Variants in FBXL7 observed in about 807,000 individuals in gnomAD.
The protein encoded by FBXL7 is F-box and leucine rich repeat protein 7.
FBXL7 carries 12 observed loss-of-function variants against 38.3 expected under a neutral mutation model. That is an observed-to-expected ratio of 0.31 (90% CI 0.20 to 0.51). FBXL7 has a LOEUF of 0.51. FBXL7 is among the 20% of genes least tolerant of loss of function. FBXL7 has a pLI of 0.98. For synonymous variants in FBXL7, 297 were observed against 300.9 expected, an observed-to-expected ratio of 0.99 and a Z score of 0.13; for missense variants, 567 against 676.4, an observed-to-expected ratio of 0.84 and a Z score of 1.79.
At chr5:15,717,384 A>G (rs879376226) in intron 2 of FBXL7, among the ~76,000 whole-genome samples, 5 of 152,186 alleles carry the variant, frequency 3.3e-5, no homozygotes, top group Non-Finnish European at 5.9e-5. Flanking sequence ...CTGAGACTCC[A>G]CCCAAAACAA....
chr5:15,655,501 A>C (rs996887682), intron 2 of FBXL7, among the ~76,000 whole-genome samples: 22 of 152,170 alleles, frequency 1.4e-4, no homozygotes, highest in African/African-American at 5.1e-4. Flanking sequence ...CTCAAAAAAA[A>C]AAAAAGAAAA....
At chr5:15,850,528 T>A (rs899178821) in intron 2 of FBXL7, among the ~76,000 whole-genome samples, 1 of 152,216 alleles carries the variant, frequency 6.6e-6, no homozygotes, top group African/African-American at 2.4e-5. Context: ...GTGACAAAGG[T>A]AGAAGGGCCT....
intron 2 of FBXL7, among the ~76,000 whole-genome samples, chr5:15,855,010 A>C (rs1739214446): frequency 6.6e-6 from 1 of 152,174 alleles, no homozygotes; most frequent in Non-Finnish European, 1.5e-5. Context: ...GTATTTCCTC[A>C]TATTAGAAAC....
intron 1 of FBXL7, among the ~76,000 whole-genome samples, chr5:15,521,890 C>G (rs904872428): frequency 5.3e-5 from 8 of 152,228 alleles, no homozygotes; most frequent in Non-Finnish European, 1.2e-4. Context: ...AACAACTATA[C>G]ATTTCTTCGT....
At chr5:15,762,804 T>C (rs753674395) in intron 2 of FBXL7, among the ~76,000 whole-genome samples, 1 of 151,498 alleles carries the variant, frequency 6.6e-6, no homozygotes, top group Admixed American at 6.6e-5. Context: ...TTGAAACATA[T>C]CTGAAATGCA....
chr5:15,878,013 C>T (rs1218731140), intron 2 of FBXL7, among the ~76,000 whole-genome samples: 1 of 152,112 alleles, frequency 6.6e-6, no homozygotes, highest in East Asian at 1.9e-4. Context: ...GGGTTTCAGC[C>T]CTCTGGGAGT....
intron 2 of FBXL7, among the ~76,000 whole-genome samples, chr5:15,680,137 A>G (rs1742796541): frequency 6.6e-6 from 1 of 152,146 alleles, no homozygotes; most frequent in Admixed American, 6.6e-5. Context: ...AAACCACTGA[A>G]GGCAAGGATG....
intron 1 of FBXL7, among the ~76,000 whole-genome samples, chr5:15,566,809 T>A (rs1738587931): frequency 6.6e-6 from 1 of 152,194 alleles, no homozygotes; most frequent in African/African-American, 2.4e-5. Flanking sequence ...AATGCCTTTC[T>A]GGACCTATTT....
intron 2 of FBXL7, among the ~76,000 whole-genome samples, chr5:15,620,351 G>A (rs1740590514): frequency 6.7e-6 from 1 of 148,960 alleles, no homozygotes; most frequent in South Asian, 2.1e-4. Flanking sequence ...TCCTGCCTCA[G>A]CCTCCCGAGT....
chr5:15,914,281 G>T (rs1229749752), intron 2 of FBXL7, among the ~76,000 whole-genome samples: 1 of 151,652 alleles, frequency 6.6e-6, no homozygotes, highest in African/African-American at 2.4e-5. Context: ...AGCTACTCAT[G>T]AGGCTGAGGC....
rs1579389766 is a variant in FBXL7, at chr5:15,701,575, A to G, written c.127+85503A>G. Reference sequence around the variant, plus strand: ...ACTGGATACATATAATGGGGATTAAATACCTTAAGAGAATCTCTCAGTTGA... The same window carrying G: ...ACTGGATACATATAATGGGGATTAAGTACCTTAAGAGAATCTCTCAGTTGA... On this transcript the variant is annotated intron_variant, in intron 2 of 3. Coordinates refer to ENST00000504595, the MANE Select transcript of FBXL7 (RefSeq NM_012304.5). Among the ~76,000 whole-genome samples, 5 of 152,344 alleles carry G rather than the reference A, an allele frequency of 3.3e-5. No homozygotes were observed. In the South Asian group the frequency reaches 1.0e-3, roughly 32 times the overall value.
At chr5:15,798,339 C>T (rs1005401139) in intron 2 of FBXL7, among the ~76,000 whole-genome samples, 2 of 152,176 alleles carry the variant, frequency 1.3e-5, no homozygotes, top group African/African-American at 2.4e-5. Context: ...GCCACTTATA[C>T]ACTCTACTCT....
At chr5:15,571,735 G>C (rs1205502782) in intron 1 of FBXL7, among the ~76,000 whole-genome samples, 1 of 152,032 alleles carries the variant, frequency 6.6e-6, no homozygotes, top group Non-Finnish European at 1.5e-5. Context: ...GAGGCTTTTG[G>C]GTGAGGTATT....
At chr5:15,696,118 G>A (rs1743323155) in intron 2 of FBXL7, among the ~76,000 whole-genome samples, 1 of 152,086 alleles carries the variant, frequency 6.6e-6, no homozygotes, top group Non-Finnish European at 1.5e-5. Flanking sequence ...GAATACATCT[G>A]GCCGAAAGCT....
intron 2 of FBXL7, among the ~76,000 whole-genome samples, chr5:15,625,676 GACAA>G (rs1483561076): frequency 1.3e-5 from 2 of 151,920 alleles, no homozygotes; most frequent in Non-Finnish European, 2.9e-5. Context: ...CAGCCAACCA[GACAA>G]ACAAACAAAA....
intron 2 of FBXL7, among the ~76,000 whole-genome samples, chr5:15,769,500 A>T (rs1440698437): frequency 6.6e-6 from 1 of 152,240 alleles, no homozygotes; most frequent in Non-Finnish European, 1.5e-5. Context: ...CATGCAAATG[A>T]CTGTTAAAGC....
In FBXL7 at chr5:15,574,434, T is replaced by C. The variant is rs563785862; in HGVS notation, c.38-41549T>C. Among the ~76,000 whole-genome samples, 20 of 152,362 alleles carry C rather than the reference T, an allele frequency of 1.3e-4. No individual in the cohort carries two copies. In the South Asian group the frequency reaches 4.1e-3, roughly 32 times the overall value. On this transcript the variant is annotated intron_variant, in intron 1 of 3. Coordinates refer to ENST00000504595, the MANE Select transcript of FBXL7 (RefSeq NM_012304.5). ...AATGCAAATCCTAGCAGACTTTGGA[T>C]ATGTACTTCATTATTTTATGTAGAA...
chr5:15,931,863 A>G (rs1220477050), intron 3 of FBXL7, among the ~76,000 whole-genome samples: 1 of 151,222 alleles, frequency 6.6e-6, no homozygotes, highest in Non-Finnish European at 1.5e-5. Flanking sequence ...CATTGCTTAA[A>G]CTCCAGTGAA....
chr5:15,521,254 A>G (rs1737090021), intron 1 of FBXL7, among the ~76,000 whole-genome samples: 1 of 152,212 alleles, frequency 6.6e-6, no homozygotes, highest in African/African-American at 2.4e-5. Context: ...CATAACAAAC[A>G]CTGCTTATTG....
Sources: gnomAD v4.1 joint callset for allele counts (sites outside exome capture counted in the v4.1 genomes callset) on GRCh38, gnomAD v4.1.1 for gene constraint, MANE v1.5 for transcripts, NCBI Gene and HGNC (gene_info 2026-07-23, HGNC 2026-07-21) for gene names.